SCRN3: variants seen among roughly 807,000 people sequenced by gnomAD.
SCRN3 encodes secernin-3.
Under a neutral mutation model 43.1 loss-of-function variants are expected in SCRN3, and 39 were observed. The observed-to-expected ratio is 0.91, with a 90% CI of 0.70 to 1.18. The LOEUF (loss-of-function observed/expected upper bound fraction) is 1.18, where lower values mean the gene tolerates loss of function less well. SCRN3 is among the 50% of genes most tolerant of loss of function. The probability of loss-of-function intolerance (pLI) is 0.00; values close to 1 mark genes in which losing one functional copy is unlikely to be tolerated. For missense variants in SCRN3, 484 were observed against 498.0 expected (o/e 0.97, Z 0.27); for synonymous variants, 147 against 163.1 (o/e 0.90, Z 0.75).
intron 2 of SCRN3, 66 bp downstream of exon 2, chr2:174,398,508 A>T (rs899338045): frequency 1.5e-6 from 2 of 1,377,160 alleles, no homozygotes; most frequent in African/African-American, 3.0e-5. Flanking sequence ...ATTTCTATAC[A>T]TAGCAATTTG....
rs568875719 is a variant in SCRN3, at chr2:174,426,377, G to A, written c.1093-1336G>A. Reference sequence around the variant, plus strand: ...TTTTTTCCCACTAATATGAAATGTAGTGTTTCCTCAGAAAAAAGCTGCATA... The same window carrying A: ...TTTTTTCCCACTAATATGAAATGTAATGTTTCCTCAGAAAAAAGCTGCATA... On this transcript the variant is annotated intron_variant, in intron 7 of 7. Coordinates refer to ENST00000272732, the MANE Select transcript of SCRN3 (RefSeq NM_024583.5). 7.9e-4 allele frequency among the ~76,000 whole-genome samples: 120 copies of A among 152,186 alleles called. 1 individual carries two copies. Among genetic ancestry groups the A allele is most frequent in the Non-Finnish European group, 1.5e-3 (105 of 68,022 alleles).
intron 5 of SCRN3, among the ~76,000 whole-genome samples, chr2:174,420,592 A>T (rs1248679890): frequency 6.6e-6 from 1 of 152,228 alleles, no homozygotes; most frequent in East Asian, 1.9e-4. Flanking sequence ...TAATTAGAAG[A>T]AAAGATGGAG....
chr2:174,410,787 C>T (rs1471820691), intron 5 of SCRN3, among the ~76,000 whole-genome samples: 1 of 152,082 alleles, frequency 6.6e-6, no homozygotes, highest in African/African-American at 2.4e-5. Flanking sequence ...TCTTTCCACT[C>T]CAAAACTTGA....
chr2:174,411,276 A>G lies in SCRN3; in HGVS notation c.754+6961A>G, dbSNP rs1475421107. On this transcript the variant is annotated intron_variant, in intron 5 of 7. Coordinates refer to ENST00000272732, the MANE Select transcript of SCRN3 (RefSeq NM_024583.5). Reference sequence around the variant, plus strand: ...GTATTTCTATACCCACTATATGAATATTTGGTATGACAGATATTTATATTT... The same window carrying G: ...GTATTTCTATACCCACTATATGAATGTTTGGTATGACAGATATTTATATTT... Among the ~76,000 whole-genome samples, 3 of 152,180 alleles carry G rather than the reference A, an allele frequency of 2.0e-5. No homozygotes were observed. The East Asian group carries it at 5.8e-4, about 29-fold the overall frequency.
Position 174,424,645 on chromosome 2 carries a change from A to G in SCRN3, c.1088A>G (p.Asn363Ser), listed in dbSNP as rs1686420890. Reference protein sequence around the residue: ...HQQALEVVNNNEEKAKIMLDN... With the variant: ...HQQALEVVNNSEEKAKIMLDN... ...CAGGCATTGGAAGTAGTAAATAATA[A>G]TGAGGTATGCTAGATTATATTCTTT... Residue 363 changes from asparagine (N) to serine (S), a missense_variant, in exon 7 of 8, where the codon AAT becomes AGT. Asn to Ser is a conservative substitution (Grantham distance 46). Transcript: ENST00000272732. 6.2e-7 allele frequency: 1 copy of G among 1,607,142 alleles called. No individual in the cohort carries two copies. Among genetic ancestry groups the G allele is most frequent in the Non-Finnish European group, 8.5e-7 (1 of 1,174,954 alleles).
chr2:174,404,314 A>G lies in SCRN3; in HGVS notation c.753A>G (p.Lys251=). 6.2e-7 allele frequency: 1 copy of G among 1,604,998 alleles called. No individual in the cohort carries two copies. Among genetic ancestry groups the G allele is most frequent in the Non-Finnish European group, 8.5e-7 (1 of 1,172,828 alleles). ...GCTACAAGCTTCTAAATAAGCACAA[A>G]GGTAATTTTATCATATAAATAATAT... The part of the protein sequence containing the change: ...CEGYKLLNKH[K]GNITFETMME... The change falls in exon 5 of 8, where the codon AAA becomes AAG. Residue 251 remains lysine, a splice_region_variant and synonymous_variant. Transcript: ENST00000272732.
At chr2:174,405,773 T>C (rs1044742266) in intron 5 of SCRN3, among the ~76,000 whole-genome samples, 1 of 151,396 alleles carries the variant, frequency 6.6e-6, no homozygotes, top group East Asian at 1.9e-4. Context: ...GTTGTAGTTA[T>C]GTGGTGTTAT....
At chr2:174,396,060 T>C (rs1216177048) in intron 1 of SCRN3, 1 of 1,241,958 alleles carries the variant, frequency 8.1e-7, no homozygotes, top group Non-Finnish European at 1.0e-6. Flanking sequence ...CTGCACTGTT[T>C]TTCTCATCTA....
chr2:174,415,958 A>G (rs1686090904), intron 5 of SCRN3, among the ~76,000 whole-genome samples: 1 of 152,186 alleles, frequency 6.6e-6, no homozygotes. Context: ...AAATGGTTCT[A>G]TAAAGCGGTC....
chr2:174,405,671 C>T (rs1280210050), intron 5 of SCRN3, among the ~76,000 whole-genome samples: 1 of 146,884 alleles, frequency 6.8e-6, no homozygotes, highest in Non-Finnish European at 1.5e-5. Flanking sequence ...CAGCTTCCTA[C>T]ATATGGCTAG....
chr2:174,419,601 A>C (rs1195737803), intron 5 of SCRN3, among the ~76,000 whole-genome samples: 2 of 144,992 alleles, frequency 1.4e-5, no homozygotes, highest in East Asian at 4.1e-4. Flanking sequence ...GGCTGGTCTC[A>C]AACTCCTGGG....
At chr2:174,423,777 C>CTT (rs67646903) in intron 6 of SCRN3, among the ~76,000 whole-genome samples, 2,224 of 95,800 alleles carry the variant, frequency 0.023, 379 homozygotes, top group African/African-American at 0.11. Flanking sequence ...CCAAGTCTTC[C>CTT]TTTTTTTTTT....
intron 5 of SCRN3, among the ~76,000 whole-genome samples, chr2:174,413,174 T>C (rs1200926171): frequency 1.3e-5 from 2 of 152,042 alleles, no homozygotes; most frequent in African/African-American, 2.4e-5. Context: ...ACCCGGCCGA[T>C]AGTGCTCTTT....
At chr2:174,399,179 T>A (rs1028860311) in intron 2 of SCRN3, among the ~76,000 whole-genome samples, 1 of 152,252 alleles carries the variant, frequency 6.6e-6, no homozygotes, top group Admixed American at 6.5e-5. Context: ...TTTATTGATA[T>A]TCTAATATTA....
At chr2:174,413,780 G>A (rs1274718637) in intron 5 of SCRN3, among the ~76,000 whole-genome samples, 1 of 151,462 alleles carries the variant, frequency 6.6e-6, no homozygotes, top group African/African-American at 2.4e-5. Flanking sequence ...TAGTAGAGAT[G>A]GGGTTTCACC....
Position 174,401,175 on chromosome 2 carries a change from C to A in SCRN3, c.527C>A (p.Ala176Glu). 2.5e-6 allele frequency: 4 copies of A among 1,613,248 alleles called. No homozygotes were observed. Among genetic ancestry groups the A allele is most frequent in the Non-Finnish European group, 2.5e-6 (3 of 1,179,554 alleles). ...GAGACTGCAGGGAAGTACTGGGCAG[C>A]AGAAAAAGTACAAGGTATGGACAAC... ...ILETAGKYWA[A>E]EKVQEGVRNI... The change falls in exon 4 of 8, where the codon GCA (alanine) becomes GAA (glutamate). Residue 176 changes from alanine (A) to glutamate (E), a missense_variant. By Grantham distance (107) the Ala-to-Glu change is moderately radical. Transcript: ENST00000272732.
At chr2:174,396,307 AGGCTTCACCTCCTCAG>A (rs1685306466) in intron 1 of SCRN3, 1 of 987,040 alleles carries the variant, frequency 1.0e-6, no homozygotes, top group South Asian at 4.7e-5. Flanking sequence ...AAATCTCTCA[AGGCTTCACCTCCTCAG>A]TGGGCTAGGT....
intron 1 of SCRN3, among the ~76,000 whole-genome samples, chr2:174,397,951 T>C (rs1685378788): frequency 6.6e-6 from 1 of 152,128 alleles, no homozygotes; most frequent in Non-Finnish European, 1.5e-5. Flanking sequence ...TTTTAGGCTG[T>C]AGTATACAAA....
In SCRN3 at chr2:174,424,611, A is replaced by C. The variant is rs760062404; in HGVS notation, c.1054A>C (p.Lys352Gln). Residue 352 changes from lysine to glutamine, a missense_variant, in exon 7 of 8, where the codon AAA (lysine) becomes CAA (glutamine). Lys to Gln is a moderately conservative substitution (Grantham distance 53). Transcript: ENST00000272732. ...KPDRRHPLYQKHQQALEVVNN... is the reference protein window; with the variant it reads ...KPDRRHPLYQQHQQALEVVNN... ...TGACAGAAGACACCCACTCTACCAA[A>C]AACATCAACAGGCATTGGAAGTAGT... is the stretch of plus-strand genomic sequence containing the variant. 6.2e-7 allele frequency: 1 copy of C among 1,613,178 alleles called. No individual in the cohort carries two copies. Among genetic ancestry groups the C allele is most frequent in the Non-Finnish European group, 8.5e-7 (1 of 1,179,438 alleles).
Sources: gnomAD v4.1 joint callset for allele counts (sites outside exome capture counted in the v4.1 genomes callset) on GRCh38, gnomAD v4.1.1 for gene constraint, MANE v1.5 for transcripts, NCBI Gene and HGNC (gene_info 2026-07-23, HGNC 2026-07-21) for gene names.